The following DNAH11 variants were observed in gnomAD, a reference collection of about 807,000 sequenced individuals.
The protein encoded by DNAH11 is dynein axonemal heavy chain 11.
DNAH11 carries 442 observed loss-of-function variants against 526.0 expected under a neutral mutation model. That is an observed-to-expected ratio of 0.84 (90% CI 0.78 to 0.91). The LOEUF (loss-of-function observed/expected upper bound fraction) is 0.91. Ranked by LOEUF, DNAH11 falls within the 40% of genes least tolerant of loss-of-function variation. The pLI is 0.00. For synonymous variants in DNAH11, 2,461 were observed against 1,935.9 expected, an observed-to-expected ratio of 1.27 and a Z score of -7.12; for missense variants, 6,989 against 5,448.7, an observed-to-expected ratio of 1.28 and a Z score of -8.90.
intron 65 of DNAH11, among the ~76,000 whole-genome samples, chr7:21,827,532 T>C (rs1425774504): frequency 6.6e-6 from 1 of 151,892 alleles, no homozygotes; most frequent in Non-Finnish European, 1.5e-5. Flanking sequence ...TTAAAAGATA[T>C]TTTATACTTC....
At chr7:21,800,448 A>G (rs547055703) in intron 61 of DNAH11, among the ~76,000 whole-genome samples, 2 of 152,098 alleles carry the variant, frequency 1.3e-5, no homozygotes, top group Non-Finnish European at 2.9e-5. Context: ...CCCGGCCAAC[A>G]TGGCGAAACC....
At position 21,801,259 on chromosome 7, in the gene DNAH11, C is replaced by G. The variant is rs1788981253; in HGVS notation, c.10149C>G (p.Val3383=). 6.2e-7 allele frequency: 1 copy of G among 1,613,878 alleles called. No individual in the cohort carries two copies. Among genetic ancestry groups the G allele is most frequent in the East Asian group, 2.2e-5 (1 of 44,874 alleles). ...CCATCAAATTAGCTAACAGACTTGT[C>G]AAGGAACTTGAGGCAAGTTAAACCT... ...NKTIKLANRL[V]KELEAKKIRW... Residue 3383 remains valine, a synonymous_variant, in exon 62 of 82, where the codon GTC becomes GTG. Coordinates refer to ENST00000409508, the MANE Select transcript of DNAH11 (RefSeq NM_001277115.2).
chr7:21,895,113 C>A, intron 79 of DNAH11, 114 bp downstream of exon 79: 1 of 831,504 alleles, frequency 1.2e-6, no homozygotes, highest in Non-Finnish European at 1.9e-6. Flanking sequence ...CTGTTCTCAA[C>A]CTGTAACCGT....
In DNAH11 at chr7:21,591,168, G is replaced by C; in HGVS notation, c.2275-17G>C. On this transcript the variant is annotated splice_polypyrimidine_tract_variant and intron_variant, in intron 13 of 81. Coordinates refer to ENST00000409508, the MANE Select transcript of DNAH11 (RefSeq NM_001277115.2). ...AACATATTTGGCACTTTTTGTTTTG[G>C]GGTTTTCTTTGCTCAGTACATTGGA... 2 of 1,520,878 alleles carry C rather than the reference G, an allele frequency of 1.3e-6. No homozygotes were observed. The highest frequency in any genetic ancestry group is 2.9e-5 in the South Asian group (2 of 69,414). 94.2% of individuals were successfully genotyped at this position (1,520,878 alleles called of 1,614,324 possible).
In DNAH11 at chr7:21,717,922, G is replaced by T. The variant is rs1386546241; in HGVS notation, c.7131G>T (p.Val2377=). ...CTTCAATTCCTGAGAGTAGCCTGGTGCAGGTTTGTCTTCGGTTACGCCATT... is the reference window on the plus strand; with the variant it reads ...CTTCAATTCCTGAGAGTAGCCTGGTTCAGGTTTGTCTTCGGTTACGCCATT... ...TITSIPESSL[V]QTLCVLLECL... is the part of the protein sequence containing the mutation. Residue 2377 remains valine, a synonymous_variant, in exon 43 of 82, where the codon GTG becomes GTT. Transcript: ENST00000409508. 8 of 1,611,532 alleles carry T rather than the reference G, an allele frequency of 5.0e-6. No individual in the cohort carries two copies. The highest frequency in any genetic ancestry group is 1.7e-6 in the Non-Finnish European group (2 of 1,178,382).
chr7:21,794,825 G>T (rs950149559), intron 61 of DNAH11, among the ~76,000 whole-genome samples: 8 of 152,198 alleles, frequency 5.3e-5, no homozygotes, highest in African/African-American at 1.7e-4. Context: ...GGGAATGTAA[G>T]ATGGCTGAGT....
rs181945074 is a variant in DNAH11 at position 21,659,045 on chromosome 7, T to G, written c.5328+14T>G. The G allele has an allele frequency of 3.9e-6, 6 of 1,547,830 alleles. No homozygotes were observed. In the African/African-American group the frequency reaches 5.5e-5, roughly 14 times the overall value. On this transcript the variant is annotated intron_variant, in intron 30 of 81. Transcript: ENST00000409508. Reference sequence around the variant, plus strand: ...CATAAAAAACAGGTATTACATAGATTTGTGATTTTGAGACATAAAGGAACT... The same window carrying G: ...CATAAAAAACAGGTATTACATAGATGTGTGATTTTGAGACATAAAGGAACT...
chr7:21,653,966 C>T (rs539086670), intron 28 of DNAH11, among the ~76,000 whole-genome samples: 2 of 152,292 alleles, frequency 1.3e-5, no homozygotes, highest in African/African-American at 4.8e-5. Context: ...GTATACTTCT[C>T]ATGTCCAGTT....
At chr7:21,563,243 C>G (rs1027528291) in intron 5 of DNAH11, among the ~76,000 whole-genome samples, 1 of 151,682 alleles carries the variant, frequency 6.6e-6, no homozygotes, top group South Asian at 2.1e-4. Context: ...GGGTCTTGCT[C>G]TGTTGCCCAG....
rs545560146 is a variant in DNAH11, at chr7:21,653,197, A to G, written c.4945-2635A>G. 9.8e-5 allele frequency among the ~76,000 whole-genome samples: 15 copies of G among 152,298 alleles called. 1 individual carries two copies. The South Asian group carries it at 3.1e-3, about 32-fold the overall frequency. On this transcript the variant is annotated intron_variant, in intron 28 of 81. Transcript: ENST00000409508. ...AGCCTAATCTATTCTTTTTAGTTGT[A>G]AAATGAAAGGCCTTTCCGAACAGCT...
At chr7:21,870,312 C>T (rs986351865) in intron 73 of DNAH11, among the ~76,000 whole-genome samples, 1 of 152,136 alleles carries the variant, frequency 6.6e-6, no homozygotes, top group Non-Finnish European at 1.5e-5. Context: ...GCTTGAAATG[C>T]AACTGGATTC....
At chr7:21,553,070 A>ATTTTTTTTTTTTTTTT (rs35121910) in intron 2 of DNAH11, among the ~76,000 whole-genome samples, 2 of 66,768 alleles carry the variant, frequency 3.0e-5, no homozygotes, top group East Asian at 4.7e-4. Context: ...TATAAATGGG[A>ATTTTTTTTTTTTTTTT]TTTTTTTTTT....
intron 65 of DNAH11, among the ~76,000 whole-genome samples, chr7:21,830,097 C>A (rs1305665824): frequency 6.6e-6 from 1 of 152,094 alleles, no homozygotes; most frequent in African/African-American, 2.4e-5. Context: ...GGCTTTTATG[C>A]ATATCTGACG....
At chr7:21,895,686 T>G (rs1483642290) in intron 79 of DNAH11, among the ~76,000 whole-genome samples, 3 of 152,214 alleles carry the variant, frequency 2.0e-5, no homozygotes, top group African/African-American at 7.2e-5. Flanking sequence ...GTACCATTCC[T>G]ATTATTTTAG....
intron 61 of DNAH11, among the ~76,000 whole-genome samples, chr7:21,791,057 G>GGA (rs1788459871): frequency 6.6e-6 from 1 of 152,224 alleles, no homozygotes; most frequent in African/African-American, 2.4e-5. Context: ...CATGATGGAG[G>GGA]GAGAGAGATT....
Position 21,609,983 on chromosome 7 carries a change from G to T in DNAH11, c.3852+3250G>T, listed in dbSNP as rs145166293. Among the ~76,000 whole-genome samples, 181 of 152,192 alleles carry T rather than the reference G, an allele frequency of 1.2e-3. 2 individuals carry two copies. The Middle Eastern group carries it at 0.014, about 11-fold the overall frequency. On this transcript the variant is annotated intron_variant, in intron 20 of 81. Transcript: ENST00000409508. ...AAAAAACAGAAAAGGGGCCGGGCGC[G>T]GTGGCTCACGCCTGTAATCCCAGCA...
chr7:21,714,821 T>A (rs951234156), intron 42 of DNAH11, among the ~76,000 whole-genome samples: 14 of 152,194 alleles, frequency 9.2e-5, no homozygotes, highest in African/African-American at 3.4e-4. Context: ...TGCTGAAATA[T>A]ATGAAAGTAA....
chr7:21,683,901 T>G lies in DNAH11; in HGVS notation c.5578T>G (p.Leu1860Val), dbSNP rs1307530137. Residue 1860 changes from leucine (L) to valine (V), a missense_variant, in exon 32 of 82, where the codon TTA becomes GTA. Physicochemically the swap from Leu to Val is conservative, Grantham distance 32. Transcript: ENST00000409508. The stretch of plus-strand genomic sequence containing the variant: ...CCAGTTCCAGTACTTCTATGAATAC[T>G]TAGGAAACAGCCCTCGACTAGTGAT... ...DAQFQYFYEY[L>V]GNSPRLVITP... The G allele has an allele frequency of 6.2e-7, 1 of 1,613,838 alleles. No homozygotes were observed. Among genetic ancestry groups the G allele is most frequent in the Non-Finnish European group, 8.5e-7 (1 of 1,179,774 alleles).
chr7:21,588,788 A>G (rs1039749833), intron 11 of DNAH11, among the ~76,000 whole-genome samples, 152 bp downstream of exon 11: 2 of 152,144 alleles, frequency 1.3e-5, no homozygotes, highest in Non-Finnish European at 2.9e-5. Flanking sequence ...ATTCATTCCC[A>G]TGGTTTTGGA....
Sources: allele counts gnomAD v4.1 joint callset (sites outside exome capture counted in the v4.1 genomes callset), GRCh38; gene constraint gnomAD v4.1.1; transcripts MANE v1.5; gene names NCBI Gene and HGNC (gene_info 2026-07-23, HGNC 2026-07-21).